Variants in ADAMTS17 observed in about 807,000 individuals in gnomAD.
The protein encoded by ADAMTS17 is A disintegrin and metalloproteinase with thrombospondin motifs 17.
ADAMTS17 carries 113 observed loss-of-function variants against 141.5 expected under a neutral mutation model. The ratio of observed to expected loss-of-function variants is 0.80; its 90% CI spans 0.69 to 0.93. The LOEUF is 0.93. ADAMTS17 is among the 40% of genes least tolerant of loss of function. The probability of loss-of-function intolerance (pLI) is 0.00; values close to 1 mark genes in which losing one functional copy is unlikely to be tolerated. For synonymous variants in ADAMTS17, 768 were observed against 630.6 expected, an observed-to-expected ratio of 1.22 and a Z score of -3.27; for missense variants, 1,659 against 1,517.9, an observed-to-expected ratio of 1.09 and a Z score of -1.54.
intron 3 of ADAMTS17, among the ~76,000 whole-genome samples, chr15:100,299,069 T>A: frequency 6.6e-6 from 1 of 152,280 alleles, no homozygotes; most frequent in Non-Finnish European, 1.5e-5. Context: ...ACCGGTCATA[T>A]CAGATTAGGG....
chr15:100,097,313 G>GT (rs2035823305), intron 14 of ADAMTS17, among the ~76,000 whole-genome samples: 1 of 152,136 alleles, frequency 6.6e-6, no homozygotes, highest in Non-Finnish European at 1.5e-5. Context: ...CAAGAACTGG[G>GT]TTTTTCCTAC....
chr15:100,255,531 T>C (rs1327629286), intron 6 of ADAMTS17, among the ~76,000 whole-genome samples: 1 of 151,488 alleles, frequency 6.6e-6, no homozygotes, highest in African/African-American at 2.4e-5. Context: ...CAAATAAAAT[T>C]AGAGCCATGG....
In ADAMTS17 at chr15:100,198,440, C is replaced by T. The variant is rs1033107047; in HGVS notation, c.1181+878G>A. ...ATTCCAGGCATCTTACTGTGTAGGT[C>T]ATTAGGAAACCTTTACAATAATTTT... On this transcript the variant is annotated intron_variant, in intron 8 of 21. Coordinates refer to ENST00000268070, the MANE Select transcript of ADAMTS17 (RefSeq NM_139057.4). Among the ~76,000 whole-genome samples, 8 of 152,302 alleles carry T rather than the reference C, an allele frequency of 5.3e-5. No individual in the cohort carries two copies. In the South Asian group the frequency reaches 1.2e-3, roughly 24 times the overall value.
At chr15:100,149,183 G>C (rs1193132566) in intron 10 of ADAMTS17, among the ~76,000 whole-genome samples, 4 of 152,232 alleles carry the variant, frequency 2.6e-5, no homozygotes, top group African/African-American at 4.8e-5. Flanking sequence ...AGGGCCTGGA[G>C]CCCTGAAGTG....
chr15:100,155,185 G>A lies in ADAMTS17; in HGVS notation c.1317C>T (p.Phe439=). 1.2e-6 allele frequency: 2 copies of A among 1,614,206 alleles called. No homozygotes were observed. Among genetic ancestry groups the A allele is most frequent in the Non-Finnish European group, 1.7e-6 (2 of 1,180,040 alleles). Residue 439 remains phenylalanine, a synonymous_variant, in exon 9 of 22, where the codon TTC becomes TTT. Coordinates refer to ENST00000268070, the MANE Select transcript of ADAMTS17 (RefSeq NM_139057.4). ...SSCSRDDLEN[F]LKSKVSTCLL... The stretch of plus-strand genomic sequence containing the variant: ...AGAATAATTCCAGGACTTACTTGAG[G>A]AAGTTTTCAAGGTCATCTCGGCTGC...
intron 15 of ADAMTS17, among the ~76,000 whole-genome samples, chr15:100,079,872 T>C (rs1380807219): frequency 4.6e-5 from 7 of 152,184 alleles, no homozygotes; most frequent in Non-Finnish European, 8.8e-5. Flanking sequence ...AGTGGGCTTA[T>C]GCTCATGGAA....
chr15:100,213,528 G>A (rs542653174), intron 7 of ADAMTS17, among the ~76,000 whole-genome samples: 1 of 152,326 alleles, frequency 6.6e-6, no homozygotes, highest in Admixed American at 6.5e-5. Context: ...GTGCCCGTCA[G>A]CATGGGAACA....
intron 4 of ADAMTS17, among the ~76,000 whole-genome samples, chr15:100,264,386 T>G (rs931032456): frequency 6.6e-6 from 1 of 152,080 alleles, no homozygotes; most frequent in Non-Finnish European, 1.5e-5. Context: ...GTTCAAAACA[T>G]GAAAATTAGG....
chr15:100,298,790 CT>C (rs1434167468), intron 3 of ADAMTS17, among the ~76,000 whole-genome samples: 3 of 152,212 alleles, frequency 2.0e-5, no homozygotes, highest in Admixed American at 2.0e-4. Flanking sequence ...ACCACATTTT[CT>C]GGTTAATTTT....
chr15:100,109,911 C>G, intron 13 of ADAMTS17, among the ~76,000 whole-genome samples: 1 of 152,048 alleles, frequency 6.6e-6, no homozygotes. Flanking sequence ...GCAGCATCTC[C>G]ACATGCACTG....
intron 3 of ADAMTS17, among the ~76,000 whole-genome samples, chr15:100,291,546 G>A (rs576325737): frequency 6.6e-6 from 1 of 152,200 alleles, no homozygotes; most frequent in East Asian, 1.9e-4. Context: ...GCACGTGTAT[G>A]TTCATCACAG....
At chr15:100,143,681 T>C (rs1189649478) in intron 10 of ADAMTS17, among the ~76,000 whole-genome samples, 2 of 152,166 alleles carry the variant, frequency 1.3e-5, no homozygotes, top group Admixed American at 6.5e-5. Context: ...AGACATTCAG[T>C]GGTGATAGTG....
chr15:100,124,944 C>T (rs955576760), intron 12 of ADAMTS17, among the ~76,000 whole-genome samples: 4 of 152,164 alleles, frequency 2.6e-5, no homozygotes, highest in African/African-American at 9.7e-5. Context: ...ACATCTGCCC[C>T]TTTCTTTGAG....
intron 15 of ADAMTS17, among the ~76,000 whole-genome samples, chr15:100,054,689 G>A (rs1172852592): frequency 2.0e-5 from 3 of 152,322 alleles, no homozygotes; most frequent in East Asian, 3.9e-4. Context: ...AGCTGTGGAC[G>A]AGCAGTGGTT....
intron 18 of ADAMTS17, among the ~76,000 whole-genome samples, chr15:100,000,908 G>A (rs557473084): frequency 2.6e-5 from 4 of 152,166 alleles, no homozygotes; most frequent in African/African-American, 9.7e-5. Context: ...GAATAAAAAC[G>A]TATGCTTATT....
At chr15:100,106,096 A>T (rs1016482103) in intron 14 of ADAMTS17, among the ~76,000 whole-genome samples, 1 of 152,084 alleles carries the variant, frequency 6.6e-6, no homozygotes, top group African/African-American at 2.4e-5. Flanking sequence ...TCTCAGGCTC[A>T]AGTGATCCTC....
intron 11 of ADAMTS17, among the ~76,000 whole-genome samples, chr15:100,132,607 C>T (rs1182729531): frequency 6.6e-6 from 1 of 152,212 alleles, no homozygotes; most frequent in African/African-American, 2.4e-5. Flanking sequence ...TAACTCAAGG[C>T]CAGCCCTATA....
intron 14 of ADAMTS17, among the ~76,000 whole-genome samples, chr15:100,097,612 T>C (rs79613080): frequency 0.017 from 2,600 of 152,378 alleles, 71 homozygotes; most frequent in African/African-American, 0.06. Context: ...CTGTTCATCA[T>C]GGCAGCAGTT....
chr15:100,195,633 A>AG (rs2041085213), intron 8 of ADAMTS17, among the ~76,000 whole-genome samples: 1 of 150,044 alleles, frequency 6.7e-6, no homozygotes. Context: ...AAAAAAAAAA[A>AG]AAAGAAGCTG....
Sources: gnomAD v4.1 joint callset for allele counts (sites outside exome capture counted in the v4.1 genomes callset) on GRCh38, gnomAD v4.1.1 for gene constraint, MANE v1.5 for transcripts, NCBI Gene and HGNC (gene_info 2026-07-23, HGNC 2026-07-21) for gene names.